The following PARD3 variants were observed in gnomAD, a reference collection of about 807,000 sequenced individuals.
The protein encoded by PARD3 is par-3 family cell polarity regulator.
PARD3 carries 75 observed loss-of-function variants against 155.4 expected under a neutral mutation model. The observed-to-expected ratio is 0.48, with a 90% confidence interval of 0.40 to 0.58. The LOEUF is 0.58. Among genes scored for constraint, PARD3 ranks in the 20% least tolerant of loss-of-function variants. The pLI is 0.00. For missense variants in PARD3, 1,642 were observed against 1,721.7 expected, an observed-to-expected ratio of 0.95 and a Z score of 0.82; for synonymous variants, 576 against 610.5, an observed-to-expected ratio of 0.94 and a Z score of 0.83.
chr10:34,430,923 A>G (rs965491569), intron 5 of PARD3, among the ~76,000 whole-genome samples: 5 of 152,240 alleles, frequency 3.3e-5, no homozygotes, highest in Non-Finnish European at 7.3e-5. Flanking sequence ...CTTTTACTCC[A>G]CAGAAATGAA....
chr10:34,374,792 T>C, intron 11 of PARD3, 82 bp downstream of exon 11: 1 of 1,315,228 alleles, frequency 7.6e-7, no homozygotes, highest in Non-Finnish European at 1.1e-6. Flanking sequence ...AATGTCTCAA[T>C]AAACATTTGC....
chr10:34,380,848 A>C (rs1175412703), intron 9 of PARD3, among the ~76,000 whole-genome samples: 5 of 152,212 alleles, frequency 3.3e-5, no homozygotes, highest in African/African-American at 9.6e-5. Context: ...TTGTTTAGAG[A>C]TATCAAGCAG....
At chr10:34,351,738 C>T (rs1424974118) in intron 14 of PARD3, among the ~76,000 whole-genome samples, 1 of 152,198 alleles carries the variant, frequency 6.6e-6, no homozygotes, top group South Asian at 2.1e-4. Flanking sequence ...TACTTCCCAA[C>T]GCAACTGGGA....
intron 2 of PARD3, among the ~76,000 whole-genome samples, chr10:34,693,872 T>C (rs1234694850): frequency 6.6e-6 from 1 of 152,134 alleles, no homozygotes; most frequent in East Asian, 1.9e-4. Flanking sequence ...TAGCTATGGT[T>C]CATGGACACA....
Position 34,111,013 on chromosome 10 carries a change from C to G in PARD3, c.*156G>C. 3 of 699,798 alleles carry G rather than the reference C, an allele frequency of 4.3e-6. No homozygotes were observed. The highest frequency in any genetic ancestry group is 5.1e-5 in the South Asian group (2 of 38,844). 43.3% of individuals were successfully genotyped at this position (699,798 alleles called of 1,614,324 possible). On this transcript the variant is annotated 3_prime_UTR_variant, in exon 25 of 25. Transcript: ENST00000374788. ...AGACATAGTGGCAAAGACATTAAGGCCTTCCATTTCTTTGCCTACACCGCT... is the reference window on the plus strand; with the variant it reads ...AGACATAGTGGCAAAGACATTAAGGGCTTCCATTTCTTTGCCTACACCGCT...
chr10:34,132,815 C>G (rs1395565675), intron 22 of PARD3, among the ~76,000 whole-genome samples: 1 of 152,088 alleles, frequency 6.6e-6, no homozygotes, highest in African/African-American at 2.4e-5. Context: ...ACCACGCCCC[C>G]CTATCCTGCA....
intron 20 of PARD3, among the ~76,000 whole-genome samples, chr10:34,309,506 A>T (rs1957584866): frequency 7.7e-6 from 1 of 130,432 alleles, no homozygotes; most frequent in Non-Finnish European, 1.6e-5. Flanking sequence ...GCAGTGAGGC[A>T]TGATTGCACC....
At chr10:34,183,150 G>A (rs1201320735) in intron 22 of PARD3, among the ~76,000 whole-genome samples, 2 of 152,218 alleles carry the variant, frequency 1.3e-5, no homozygotes, top group Non-Finnish European at 2.9e-5. Flanking sequence ...GTGACTGAGT[G>A]AATAAGTCAA....
At chr10:34,803,686 C>T (rs1005617044) in intron 1 of PARD3, among the ~76,000 whole-genome samples, 1 of 151,888 alleles carries the variant, frequency 6.6e-6, no homozygotes, top group Non-Finnish European at 1.5e-5. Flanking sequence ...ACCTATAATC[C>T]CAGCTACTTG....
intron 2 of PARD3, among the ~76,000 whole-genome samples, chr10:34,614,850 A>T (rs1844207070): frequency 6.6e-6 from 1 of 152,138 alleles, no homozygotes; most frequent in Non-Finnish European, 1.5e-5. Context: ...AACAAAATAA[A>T]CGAAGCTAGA....
Position 34,140,945 on chromosome 10 carries a change from C to T in PARD3, c.3420-9362G>A, listed in dbSNP as rs535633344. 7.0e-4 allele frequency among the ~76,000 whole-genome samples: 106 copies of T among 152,176 alleles called. 1 individual carries two copies. The highest frequency in any genetic ancestry group is 2.3e-3 in the African/African-American group (97 of 41,520). On this transcript the variant is annotated intron_variant, in intron 22 of 24. Coordinates refer to ENST00000374788, the MANE Select transcript of PARD3 (RefSeq NM_001184785.2). The stretch of plus-strand genomic sequence containing the variant: ...GGGATGGATCCTTCTTTAATCTTAC[C>T]ACTTGTATACTGGTATGTAAGTCTA...
At chr10:34,642,141 T>TC (rs923691262) in intron 2 of PARD3, among the ~76,000 whole-genome samples, 5 of 150,954 alleles carry the variant, frequency 3.3e-5, no homozygotes, top group Non-Finnish European at 7.4e-5. Flanking sequence ...GTACATGGGA[T>TC]CCCCGCCCAC....
At chr10:34,133,844 C>T (rs891543629) in intron 22 of PARD3, among the ~76,000 whole-genome samples, 3 of 152,152 alleles carry the variant, frequency 2.0e-5, no homozygotes, top group African/African-American at 7.2e-5. Context: ...CATCATTTAA[C>T]ATATTGGGAG....
intron 16 of PARD3, among the ~76,000 whole-genome samples, chr10:34,337,781 A>G (rs1031524880): frequency 3.3e-5 from 5 of 152,256 alleles, no homozygotes; most frequent in African/African-American, 1.2e-4. Context: ...GAAACCTGTC[A>G]TATATTATAT....
At chr10:34,598,865 GC>G (rs758330395) in intron 2 of PARD3, among the ~76,000 whole-genome samples, 7 of 152,122 alleles carry the variant, frequency 4.6e-5, no homozygotes, top group Non-Finnish European at 1.0e-4. Context: ...AAGACTGAAA[GC>G]CCAAGCCCCT....
At chr10:34,282,612 C>G (rs17554786) in intron 21 of PARD3, among the ~76,000 whole-genome samples, 11,254 of 152,142 alleles carry the variant, frequency 0.074, 573 homozygotes, top group Non-Finnish European at 0.1. Flanking sequence ...ATTAATGAAG[C>G]TATCTATCCC....
Position 34,269,840 on chromosome 10 carries a change from T to C in PARD3, c.3236A>G (p.Glu1079Gly). 1 of 1,613,986 alleles carries C rather than the reference T, an allele frequency of 6.2e-7. No homozygotes were observed. The highest frequency in any genetic ancestry group is 8.5e-7 in the Non-Finnish European group (1 of 1,179,948). Residue 1079 changes from glutamate to glycine, a missense_variant, in exon 22 of 25, where the codon GAA becomes GGA. Glu to Gly is a moderately conservative substitution (Grantham distance 98). Coordinates refer to ENST00000374788, the MANE Select transcript of PARD3 (RefSeq NM_001184785.2). The part of the protein sequence containing the change: ...ERQARERDYA[E>G]IQDFHRTFGC... ...AAATGTCCGATGAAAATCTTGAATT[T>C]CAGCATAGTCACGCTCTCGAGCTTG...
At chr10:34,376,183 G>A (rs530072532) in intron 10 of PARD3, among the ~76,000 whole-genome samples, 16 of 152,318 alleles carry the variant, frequency 1.1e-4, no homozygotes, top group African/African-American at 3.6e-4. Flanking sequence ...GATACTAGAA[G>A]GTTGGGCTTA....
chr10:34,190,108 C>A (rs570262259), intron 22 of PARD3, among the ~76,000 whole-genome samples: 1 of 152,108 alleles, frequency 6.6e-6, no homozygotes, highest in African/African-American at 2.4e-5. Flanking sequence ...GAGAGATGAG[C>A]GGTTTTAAGG....
Sources: allele counts gnomAD v4.1 joint callset (sites outside exome capture counted in the v4.1 genomes callset), GRCh38; gene constraint gnomAD v4.1.1; transcripts MANE v1.5; gene names NCBI Gene and HGNC (gene_info 2026-07-23, HGNC 2026-07-21).